GRIN2B: variants seen among roughly 807,000 people sequenced by gnomAD.
The protein encoded by GRIN2B is glutamate ionotropic receptor NMDA type subunit 2B, also known as glutamate receptor ionotropic, NMDA 2B.
Under a neutral mutation model 114.5 loss-of-function variants are expected in GRIN2B, and 5 were observed. The observed-to-expected ratio is 0.04, with a 90% CI of 0.02 to 0.09. The LOEUF (loss-of-function observed/expected upper bound fraction) is 0.09, where lower values mean the gene tolerates loss of function less well. GRIN2B is among the 10% of genes least tolerant of loss of function. The probability of loss-of-function intolerance (pLI) is 1.00; values close to 1 mark genes in which losing one functional copy is unlikely to be tolerated. For missense variants in GRIN2B, 1,108 were observed against 1,943.5 expected, an observed-to-expected ratio of 0.57 and a Z score of 8.08; for synonymous variants, 787 against 745.1, an observed-to-expected ratio of 1.06 and a Z score of -0.92.
intron 4 of GRIN2B, among the ~76,000 whole-genome samples, chr12:13,685,508 G>C (rs1950168775): frequency 6.6e-6 from 1 of 152,170 alleles, no homozygotes; most frequent in Non-Finnish European, 1.5e-5. Flanking sequence ...GGGAGGAGGA[G>C]AGGGTCAAAG....
chr12:13,629,185 C>T (rs1949597502), intron 5 of GRIN2B, among the ~76,000 whole-genome samples: 1 of 152,120 alleles, frequency 6.6e-6, no homozygotes, highest in South Asian at 2.1e-4. Flanking sequence ...CTAAGATTGC[C>T]CAGGGTCGAC....
At chr12:13,772,305 C>T (rs1279039743) in intron 3 of GRIN2B, among the ~76,000 whole-genome samples, 1 of 152,182 alleles carries the variant, frequency 6.6e-6, no homozygotes, top group African/African-American at 2.4e-5. Context: ...TCTCTTTCTT[C>T]CCATGTGAAA....
At chr12:13,634,081 A>G (rs922874331) in intron 5 of GRIN2B, 2 of 152,116 alleles carry the variant, frequency 1.3e-5, no homozygotes, top group African/African-American at 2.4e-5. Flanking sequence ...AAAATGAAAA[A>G]CCCATATGAT....
intron 10 of GRIN2B, among the ~76,000 whole-genome samples, chr12:13,605,551 T>TCTCTCTCTCTCTCTCACACACACA: frequency 3.3e-5 from 1 of 30,502 alleles, no homozygotes; most frequent in Admixed American, 3.8e-4. Flanking sequence ...TCTCTCTCTC[T>TCTCTCTCTCTCTCTCACACACACA]GACACACACA....
At chr12:13,779,097 G>A (rs969894508) in intron 3 of GRIN2B, among the ~76,000 whole-genome samples, 1 of 152,182 alleles carries the variant, frequency 6.6e-6, no homozygotes, top group Non-Finnish European at 1.5e-5. Context: ...CACCCAGGCT[G>A]GAGTGCAGTG....
At position 13,555,270 on chromosome 12, in the gene GRIN2B, A is replaced by C. The variant is rs1948465217; in HGVS notation, c.*7513T>G. On this transcript the variant is annotated 3_prime_UTR_variant, in exon 14 of 14. Transcript: ENST00000609686. The stretch of plus-strand genomic sequence containing the variant: ...GAAGAGCAGGGTAAGTAAAGAAAAA[A>C]GGCTATTGACTTTTGTAACAAGAAC... 3 of 152,180 alleles carry C rather than the reference A, an allele frequency of 2.0e-5. No homozygotes were observed. 9.4% of individuals were successfully genotyped at this position (152,180 alleles called of 1,614,324 possible). A position where few individuals can be genotyped will look rare whatever the true frequency, so the allele number is the denominator to read the frequency against.
chr12:13,915,023 T>C (rs574202256), intron 2 of GRIN2B, among the ~76,000 whole-genome samples: 1 of 152,280 alleles, frequency 6.6e-6, no homozygotes, highest in Non-Finnish European at 1.5e-5. Context: ...AATAATCTAT[T>C]GTATATTTTC....
At chr12:13,826,924 C>T in intron 3 of GRIN2B, among the ~76,000 whole-genome samples, 1 of 151,282 alleles carries the variant, frequency 6.6e-6, no homozygotes, top group Non-Finnish European at 1.5e-5. Context: ...TTTTTTTTTC[C>T]TCTGAAAGCC....
intron 10 of GRIN2B, among the ~76,000 whole-genome samples, chr12:13,587,071 A>G (rs1565464173): frequency 6.6e-6 from 1 of 152,194 alleles, no homozygotes; most frequent in Non-Finnish European, 1.5e-5. Context: ...TGAAGAGACA[A>G]TTAAATATTA....
In GRIN2B at chr12:13,550,772, C is replaced by G. The variant is rs117253895; in HGVS notation, c.*12011G>C. ...TTGACTGTGCTAGACTGATTGGGCT[C>G]GAGTTTGGAAACATTAAGTACCATG... On this transcript the variant is annotated 3_prime_UTR_variant, in exon 14 of 14. Transcript: ENST00000609686. 6.6e-6 allele frequency: 1 copy of G among 152,122 alleles called. No homozygotes were observed. The allele number at this position is 152,122 out of a possible 1,614,324, so 9.4% of individuals were successfully genotyped here.
chr12:13,949,165 T>G (rs1299605327), intron 2 of GRIN2B, among the ~76,000 whole-genome samples: 1 of 152,066 alleles, frequency 6.6e-6, no homozygotes, highest in African/African-American at 2.4e-5. Flanking sequence ...ATCCACTGCC[T>G]GAAGAACCCA....
chr12:13,686,874 G>C (rs1950177866), intron 4 of GRIN2B, among the ~76,000 whole-genome samples: 1 of 152,162 alleles, frequency 6.6e-6, no homozygotes, highest in Admixed American at 6.5e-5. Context: ...TGGAGGTGGA[G>C]CCTAATGGAA....
At position 13,919,373 on chromosome 12, in the gene GRIN2B, G is replaced by A. The variant is rs570908127; in HGVS notation, c.-18-53147C>T. On this transcript the variant is annotated intron_variant, in intron 2 of 13. Coordinates refer to ENST00000609686, the MANE Select transcript of GRIN2B (RefSeq NM_000834.5). ...CAAATATTCTATTATAATGATTCCAGTGAAACACCCACATAAATTGAATCA... is the reference window on the plus strand; with the variant it reads ...CAAATATTCTATTATAATGATTCCAATGAAACACCCACATAAATTGAATCA... 2.1e-3 allele frequency among the ~76,000 whole-genome samples: 323 copies of A among 152,252 alleles called. 1 individual carries two copies. Among genetic ancestry groups the A allele is most frequent in the Non-Finnish European group, 3.8e-3 (257 of 68,024 alleles).
At position 13,564,550 on chromosome 12, in the gene GRIN2B, G is replaced by C; in HGVS notation, c.2688C>G (p.Ser896=). 10 of 1,614,142 alleles carry C rather than the reference G, an allele frequency of 6.2e-6. No homozygotes were observed. Among genetic ancestry groups the C allele is most frequent in the Non-Finnish European group, 8.5e-6 (10 of 1,180,006 alleles). The change falls in exon 14 of 14, where the codon TCC becomes TCG. Residue 896 remains serine, a synonymous_variant. Coordinates refer to ENST00000609686, the MANE Select transcript of GRIN2B (RefSeq NM_000834.5). This position sits in a 1 kb window ranked among gnomAD's most constrained non-coding sequence, Gnocchi z 4.8. The part of the protein sequence containing the change: ...SPTATMNNTH[S]NILRLLRTAK... ...CCGTGCGCAGCAGGCGCAGGATGTTGGAGTGTGTGTTGTTCATGGTTGCGG... is the reference window on the plus strand; with the variant it reads ...CCGTGCGCAGCAGGCGCAGGATGTTCGAGTGTGTGTTGTTCATGGTTGCGG...
intron 2 of GRIN2B, among the ~76,000 whole-genome samples, chr12:13,914,293 G>A (rs1480219204): frequency 6.6e-6 from 1 of 152,046 alleles, no homozygotes. Context: ...GTTCCAGCTT[G>A]CACCCTTTTC....
chr12:13,683,190 A>G (rs918241604), intron 4 of GRIN2B, among the ~76,000 whole-genome samples: 6 of 152,156 alleles, frequency 3.9e-5, no homozygotes, highest in Non-Finnish European at 8.8e-5. Context: ...TTCTCATTCA[A>G]ATGAATGAAA....
intron 2 of GRIN2B, among the ~76,000 whole-genome samples, chr12:13,966,847 G>A (rs1591645485): frequency 6.6e-6 from 1 of 152,178 alleles, no homozygotes; most frequent in South Asian, 2.1e-4. Context: ...TCCATTTGAT[G>A]GATAAGGAAT....
intron 2 of GRIN2B, among the ~76,000 whole-genome samples, chr12:13,870,294 G>T (rs1186144091): frequency 6.6e-6 from 1 of 152,136 alleles, no homozygotes; most frequent in African/African-American, 2.4e-5. Flanking sequence ...TCGAAATCAT[G>T]CCATGAATTC....
chr12:13,770,653 G>A (rs912818356), intron 3 of GRIN2B, among the ~76,000 whole-genome samples: 2 of 152,140 alleles, frequency 1.3e-5, no homozygotes, highest in Non-Finnish European at 2.9e-5. Flanking sequence ...TTATTCCTGA[G>A]AATAATGGTC....
Sources: allele counts gnomAD v4.1 joint callset (sites outside exome capture counted in the v4.1 genomes callset), GRCh38; gene constraint gnomAD v4.1.1; non-coding constraint Gnocchi (gnomAD v3.1); transcripts MANE v1.5; gene names NCBI Gene and HGNC (gene_info 2026-07-23, HGNC 2026-07-21).